TOPAZ1: variants seen among roughly 807,000 people sequenced by gnomAD.
TOPAZ1 encodes the protein protein TOPAZ1.
TOPAZ1 carries 66 observed loss-of-function variants against 172.2 expected under a neutral mutation model. That is an observed-to-expected ratio of 0.38 (90% CI 0.31 to 0.47). The LOEUF (loss-of-function observed/expected upper bound fraction) is 0.47. Among genes scored for constraint, TOPAZ1 ranks in the 20% least tolerant of loss-of-function variants. TOPAZ1 has a pLI of 0.99. For missense variants in TOPAZ1, 1,822 were observed against 1,972.4 expected (o/e 0.92, Z 1.44); for synonymous variants, 681 against 683.9 (o/e 1.00, Z 0.07).
intron 11 of TOPAZ1, 64 bp downstream of exon 11, chr3:44,287,903 G>A (rs201699716): frequency 1.0e-5 from 2 of 196,496 alleles, no homozygotes; most frequent in African/African-American, 4.6e-5. Flanking sequence ...TTGTTTCCAT[G>A]GGGGGGTACC....
rs115865554 is a variant in TOPAZ1, at chr3:44,302,440, A to G, written c.3798-1575A>G. ...ATAATAATGGTAAAATAAAATGTCC[A>G]TCTTTACCTCCAGTGATTTGAGATG... On this transcript the variant is annotated intron_variant, in intron 12 of 19. Transcript: ENST00000309765. Among the ~76,000 whole-genome samples, 1,358 of 152,254 alleles carry G rather than the reference A, an allele frequency of 8.9e-3. 20 individuals carry two copies. The highest frequency in any genetic ancestry group is 0.032 in the African/African-American group (1,309 of 41,544).
At chr3:44,300,354 T>C (rs1324295757) in intron 12 of TOPAZ1, among the ~76,000 whole-genome samples, 1 of 151,834 alleles carries the variant, frequency 6.6e-6, no homozygotes, top group Non-Finnish European at 1.5e-5. Flanking sequence ...AGAGAATCAC[T>C]TGAACCCAGG....
At chr3:44,254,827 T>G in intron 2 of TOPAZ1, 141 bp from the exon 3 acceptor site, 1 of 504,924 alleles carries the variant, frequency 2.0e-6, no homozygotes. Context: ...GTTCTGTGTC[T>G]CATTATAGTA....
chr3:44,282,152 T>G, intron 9 of TOPAZ1, 121 bp downstream of exon 9: 1 of 618,970 alleles, frequency 1.6e-6, no homozygotes, highest in Non-Finnish European at 2.8e-6. Flanking sequence ...GTAGCTCTGT[T>G]GGCCTAAGAA....
chr3:44,242,870 G>A lies in TOPAZ1; in HGVS notation c.364G>A (p.Val122Ile), dbSNP rs749435958. 6.7e-7 allele frequency: 1 copy of A among 1,503,586 alleles called. No individual in the cohort carries two copies. Among genetic ancestry groups the A allele is most frequent in the Non-Finnish European group, 8.8e-7 (1 of 1,130,688 alleles). The allele number at this position is 1,503,586 out of a possible 1,614,324, so 93.1% of individuals were successfully genotyped here. A position where few individuals can be genotyped will look rare whatever the true frequency, so the allele number is the denominator to read the frequency against. Reference protein sequence around the residue: ...TERHTKEKRKVTEASSDDPQP... With the variant: ...TERHTKEKRKITEASSDDPQP... ...TTGATCAGCCAAGGAAAAAAGAAAA[G>A]TTACTGAAGCCTCAAGTGATGATCC... The change falls in exon 2 of 20, where the codon GTT becomes ATT. Residue 122 changes from valine to isoleucine, a missense_variant. By Grantham distance (29) the Val-to-Ile change is conservative (BLOSUM62 3). This residue lies in a region of TOPAZ1 where 1,489 missense variants were observed against 1,490.8 expected (regional missense o/e 1.00). Coordinates refer to ENST00000309765, the MANE Select transcript of TOPAZ1 (RefSeq NM_001145030.2).
intron 4 of TOPAZ1, among the ~76,000 whole-genome samples, chr3:44,257,290 C>T (rs929857439): frequency 1.9e-4 from 28 of 150,482 alleles, no homozygotes; most frequent in African/African-American, 6.4e-4. Flanking sequence ...GAGCCATGTT[C>T]GGGCCACTGC....
At chr3:44,322,670 C>T (rs560828459) in intron 17 of TOPAZ1, among the ~76,000 whole-genome samples, 41 of 152,156 alleles carry the variant, frequency 2.7e-4, no homozygotes, top group African/African-American at 9.2e-4. Flanking sequence ...TGAGATCAGA[C>T]GATATGGGCG....
intron 16 of TOPAZ1, among the ~76,000 whole-genome samples, chr3:44,313,766 T>C (rs765662877): frequency 4.6e-5 from 7 of 152,196 alleles, no homozygotes; most frequent in Non-Finnish European, 8.8e-5. Flanking sequence ...TGATACTATG[T>C]TTTTTGGTTA....
At chr3:44,303,085 G>A (rs1456699014) in intron 12 of TOPAZ1, among the ~76,000 whole-genome samples, 1 of 152,128 alleles carries the variant, frequency 6.6e-6, no homozygotes, top group Non-Finnish European at 1.5e-5. Context: ...TGCCCAACTC[G>A]GCCTTCCAGA....
rs780572865 is a variant in TOPAZ1 at position 44,309,900 on chromosome 3, A to C, written c.4216A>C (p.Lys1406Gln). 1.0e-5 allele frequency: 16 copies of C among 1,551,212 alleles called. 1 individual carries two copies. In the Middle Eastern group the frequency reaches 2.3e-3, roughly 227 times the overall value. ...TTTAAAAGGACTTATAGGGCCTGAG[A>C]AGTTAGCATCAAGATGTCAAATTGT... ...TSLKGLIGPEKLASRCQIVNV... is the reference protein window; with the variant it reads ...TSLKGLIGPEQLASRCQIVNV... The change falls in exon 16 of 20, where the codon AAG becomes CAG. Residue 1406 changes from lysine to glutamine, a missense_variant. This residue lies in a region of TOPAZ1 where 333 missense variants were observed against 481.7 expected (regional missense o/e 0.69). Coordinates refer to ENST00000309765, the MANE Select transcript of TOPAZ1 (RefSeq NM_001145030.2).
At chr3:44,312,807 T>C (rs1311306997) in intron 16 of TOPAZ1, among the ~76,000 whole-genome samples, 1 of 152,238 alleles carries the variant, frequency 6.6e-6, no homozygotes, top group East Asian at 1.9e-4. Context: ...GTAAAAAAGT[T>C]ATGCCATTTA....
intron 4 of TOPAZ1, 124 bp downstream of exon 4, chr3:44,256,402 C>T: frequency 1.2e-6 from 1 of 864,142 alleles, no homozygotes; most frequent in East Asian, 3.1e-5. Flanking sequence ...AGAATCACGT[C>T]ACTCTAGCCA....
intron 12 of TOPAZ1, among the ~76,000 whole-genome samples, chr3:44,295,781 T>C (rs931896270): frequency 6.6e-6 from 1 of 152,150 alleles, no homozygotes; most frequent in Non-Finnish European, 1.5e-5. Flanking sequence ...ATAATTATAG[T>C]TGGGGACTTC....
At chr3:44,303,205 C>T (rs995914862) in intron 12 of TOPAZ1, among the ~76,000 whole-genome samples, 6 of 151,764 alleles carry the variant, frequency 4.0e-5, no homozygotes, top group Admixed American at 2.0e-4. Context: ...TTTTCTTAAT[C>T]CCAAATGTGA....
intron 16 of TOPAZ1, among the ~76,000 whole-genome samples, chr3:44,310,616 A>G (rs1700388196): frequency 6.6e-6 from 1 of 152,200 alleles, no homozygotes. Flanking sequence ...TAAAATCCCC[A>G]TTTTATTGAT....
rs1485037218 is a variant in TOPAZ1 at position 44,257,467 on chromosome 3, ATAGT to A, written c.2955+1190_2955+1193del. On this transcript the variant is annotated intron_variant, in intron 4 of 19. Transcript: ENST00000309765. ...GTGTGTATCTATTTTATATATATAT[ATAGT>A]GTGTGTGTGTGTGTGTGTGTGTGTG... Among the ~76,000 whole-genome samples the A allele has an allele frequency of 9.2e-3, 975 of 106,048 alleles. 23 individuals carry two copies. The highest frequency in any genetic ancestry group is 0.031 in the South Asian group (73 of 2,376). The allele number at this position is 106,048 out of a possible 152,430, so 69.6% of individuals were successfully genotyped here. A position where few individuals can be genotyped will look rare whatever the true frequency, so the allele number is the denominator to read the frequency against.
intron 5 of TOPAZ1, among the ~76,000 whole-genome samples, 168 bp downstream of exon 5, chr3:44,262,651 T>C (rs539640196): frequency 8.5e-5 from 13 of 152,206 alleles, no homozygotes; most frequent in Non-Finnish European, 1.9e-4. Flanking sequence ...GTAAGGGGTA[T>C]TGTAAATTAC....
chr3:44,315,105 G>GTGGATGGATGGATGGATGGA lies in TOPAZ1; in HGVS notation c.4306+5130_4306+5149dup, dbSNP rs34398632. On this transcript the variant is annotated intron_variant, in intron 16 of 19. Transcript: ENST00000309765. ...AAATATTTAGTAAATATTAGTTGAG[G>GTGGATGGATGGATGGATGGA]TGGATGGATGGATGGATGGATGGAT... Among the ~76,000 whole-genome samples the GTGGATGGATGGATGGATGGA allele has an allele frequency of 2.0e-3, 300 of 150,002 alleles. 2 individuals carry two copies. Among genetic ancestry groups the GTGGATGGATGGATGGATGGA allele is most frequent in the East Asian group, 5.0e-3 (25 of 5,042 alleles).
chr3:44,308,588 A>G (rs191690306), intron 15 of TOPAZ1, among the ~76,000 whole-genome samples: 44 of 152,094 alleles, frequency 2.9e-4, no homozygotes, highest in African/African-American at 9.4e-4. Context: ...CAATAAACAT[A>G]CATATGCATG....
Sources: allele counts gnomAD v4.1 joint callset (sites outside exome capture counted in the v4.1 genomes callset), GRCh38; gene constraint gnomAD v4.1.1; regional missense constraint gnomAD v4.1.1; transcripts MANE v1.5; gene names NCBI Gene and HGNC (gene_info 2026-07-23, HGNC 2026-07-21).